TSPEAR: variants seen among roughly 807,000 people sequenced by gnomAD.
TSPEAR encodes the protein thrombospondin type laminin G domain and EAR repeats.
A neutral mutation model predicts 71.6 loss-of-function variants in TSPEAR; 69 were observed. The observed-to-expected ratio is 0.96, with a 90% CI of 0.79 to 1.18. The LOEUF (loss-of-function observed/expected upper bound fraction) is 1.18, where lower values mean the gene tolerates loss of function less well. TSPEAR is among the 50% of genes most tolerant of loss of function. TSPEAR has a pLI of 0.00. For missense variants in TSPEAR, 971 were observed against 894.9 expected (o/e 1.09, Z -1.09); for synonymous variants, 402 against 387.2 (o/e 1.04, Z -0.45).
At chr21:44,647,026 G>C in intron 1 of TSPEAR, 5 of 1,613,524 alleles carry the variant, frequency 3.1e-6, no homozygotes, top group Non-Finnish European at 3.4e-6. Context: ...GGCCTGCTGC[G>C]TGCCTGTCTG....
chr21:44,709,389 C>T (rs1555953145), intron 1 of TSPEAR, among the ~76,000 whole-genome samples: 2 of 152,268 alleles, frequency 1.3e-5, no homozygotes, highest in African/African-American at 4.8e-5. Flanking sequence ...CCCTTGCTGC[C>T]CACGGGGCTG....
intron 2 of TSPEAR, among the ~76,000 whole-genome samples, chr21:44,538,803 G>A (rs1240980383): frequency 1.3e-5 from 2 of 152,170 alleles, no homozygotes; most frequent in Admixed American, 1.3e-4. Context: ...GGCTGAGCTG[G>A]GACTGAGCCT....
intron 1 of TSPEAR, chr21:44,675,975 A>G (rs1986295427): frequency 1.2e-6 from 1 of 821,060 alleles, no homozygotes. Flanking sequence ...TCCTTCAGCC[A>G]GTCTTGTGCC....
At chr21:44,708,428 G>A (rs1260721678) in intron 1 of TSPEAR, among the ~76,000 whole-genome samples, 9 of 152,292 alleles carry the variant, frequency 5.9e-5, no homozygotes, top group African/African-American at 2.2e-4. Flanking sequence ...AGGCGCTGAA[G>A]TCCAGAGGAC....
At chr21:44,624,568 GA>G (rs1982646965) in intron 1 of TSPEAR, among the ~76,000 whole-genome samples, 1 of 152,180 alleles carries the variant, frequency 6.6e-6, no homozygotes, top group South Asian at 2.1e-4. Flanking sequence ...CAGATCATAT[GA>G]GTTCAATACG....
At chr21:44,558,103 G>A (rs782637638) in intron 2 of TSPEAR, 15 of 1,610,996 alleles carry the variant, frequency 9.3e-6, no homozygotes, top group African/African-American at 2.7e-5. Context: ...GAAGAGAGGC[G>A]GGAGCACGTG....
rs1485267034 is a variant in TSPEAR at position 44,509,345 on chromosome 21, C to G, written c.1608G>C (p.Glu536Asp). The G allele has an allele frequency of 6.2e-7, 1 of 1,613,980 alleles. No homozygotes were observed. Among genetic ancestry groups the G allele is most frequent in the Non-Finnish European group, 8.5e-7 (1 of 1,180,002 alleles). The stretch of plus-strand genomic sequence containing the variant: ...TGTTTGCCACAGCGAGGAAGATCCT[C>G]TCCCCGATCTGGAAGACCTCCCAGT... ...AADWEVFQIG[E>D]RIFLAVANSH... The change falls in exon 10 of 12, where the codon GAG (glutamate) becomes GAC (aspartate). Residue 536 changes from glutamate (E) to aspartate (D), a missense_variant. Physicochemically the swap from Glu to Asp is conservative, Grantham distance 45 (BLOSUM62 2). Transcript: ENST00000323084.
At chr21:44,621,870 C>G (rs1474087993) in intron 1 of TSPEAR, among the ~76,000 whole-genome samples, 1 of 152,082 alleles carries the variant, frequency 6.6e-6, no homozygotes, top group Non-Finnish European at 1.5e-5. Context: ...TGTGTCTCCA[C>G]CAACGCAATC....
At chr21:44,640,836 G>A (rs587681263) in intron 1 of TSPEAR, among the ~76,000 whole-genome samples, 3 of 152,354 alleles carry the variant, frequency 2.0e-5, no homozygotes, top group African/African-American at 7.2e-5. Flanking sequence ...GAGGATGACT[G>A]TGGGCACTCA....
At chr21:44,637,501 G>C (rs116673061) in intron 1 of TSPEAR, 502,866 of 1,612,348 alleles carry the variant, frequency 0.31, 80,011 homozygotes, top group South Asian at 0.4. Flanking sequence ...GCTGCTGCGA[G>C]CCCTGCTGCT....
Position 44,668,926 on chromosome 21 carries a change from C to T in TSPEAR, c.82+42507G>A, listed in dbSNP as rs369439939. ...GAGAATCTCAGTAGGGAAATTGAAA[C>T]TATTTTTTAAATGGGAATGCTAGAA... On this transcript the variant is annotated intron_variant, in intron 1 of 11. Coordinates refer to ENST00000323084, the MANE Select transcript of TSPEAR (RefSeq NM_144991.3). Among the ~76,000 whole-genome samples, 44 of 152,262 alleles carry T rather than the reference C, an allele frequency of 2.9e-4. 1 individual carries two copies. In the South Asian group the frequency reaches 7.7e-3, roughly 27 times the overall value.
chr21:44,503,415 A>C (rs1238927318), intron 11 of TSPEAR, among the ~76,000 whole-genome samples: 44 of 54,296 alleles, frequency 8.1e-4, no homozygotes, highest in South Asian at 5.5e-3. Context: ...AGGAGGCCGG[A>C]GTTGGTGAGC....
chr21:44,609,897 G>T (rs1026620279), intron 1 of TSPEAR, among the ~76,000 whole-genome samples: 1 of 152,150 alleles, frequency 6.6e-6, no homozygotes, highest in Non-Finnish European at 1.5e-5. Flanking sequence ...CACGGGCCTG[G>T]TGATAAACTA....
At chr21:44,624,071 C>T (rs781898772) in intron 1 of TSPEAR, among the ~76,000 whole-genome samples, 2 of 152,196 alleles carry the variant, frequency 1.3e-5, no homozygotes, top group Non-Finnish European at 2.9e-5. Flanking sequence ...TAAGGGCATG[C>T]TTACTACTCC....
At chr21:44,628,927 G>T (rs1388156194) in intron 1 of TSPEAR, among the ~76,000 whole-genome samples, 1 of 142,576 alleles carries the variant, frequency 7.0e-6, no homozygotes, top group African/African-American at 2.6e-5. Context: ...AGCTCCCTGT[G>T]CTGGGCTGGG....
At chr21:44,518,421 G>A in intron 9 of TSPEAR, 1 of 403,044 alleles carries the variant, frequency 2.5e-6, no homozygotes, top group Non-Finnish European at 5.1e-6. Flanking sequence ...TTATCACAGG[G>A]GCTTTAGGAT....
At position 44,581,783 on chromosome 21, in the gene TSPEAR, T is replaced by C. The variant is rs193131467; in HGVS notation, c.83-13778A>G. ...CACTGTAATGATGTTATGTTGAGCA[T>C]TTAAACGTTTTTCCCCTCGTTTCAC... On this transcript the variant is annotated intron_variant, in intron 1 of 11. Transcript: ENST00000323084. Among the ~76,000 whole-genome samples, 8 of 152,360 alleles carry C rather than the reference T, an allele frequency of 5.3e-5. No homozygotes were observed. The East Asian group carries it at 1.5e-3, about 29-fold the overall frequency.
At chr21:44,592,969 A>G (rs1049808653) in intron 1 of TSPEAR, among the ~76,000 whole-genome samples, 4 of 152,102 alleles carry the variant, frequency 2.6e-5, no homozygotes, top group East Asian at 1.9e-4. Flanking sequence ...GCCCTGGGCC[A>G]TGGCATGGTG....
At chr21:44,649,370 T>A (rs959330293) in intron 1 of TSPEAR, among the ~76,000 whole-genome samples, 6 of 152,192 alleles carry the variant, frequency 3.9e-5, no homozygotes. Flanking sequence ...GGCATCCTGG[T>A]AACGGAAGTT....
Sources: gnomAD v4.1 joint callset for allele counts (sites outside exome capture counted in the v4.1 genomes callset) on GRCh38, gnomAD v4.1.1 for gene constraint, MANE v1.5 for transcripts, NCBI Gene and HGNC (gene_info 2026-07-23, HGNC 2026-07-21) for gene names.